The following AGRN variants were observed in gnomAD, a reference collection of about 807,000 sequenced individuals.
AGRN encodes agrin proteoglycan.
Under a neutral mutation model 211.0 loss-of-function variants are expected in AGRN, and 106 were observed. The ratio of observed to expected loss-of-function variants is 0.50; its 90% CI spans 0.43 to 0.59. AGRN has a LOEUF of 0.59. Among genes scored for constraint, AGRN ranks in the 20% least tolerant of loss-of-function variants. AGRN has a pLI of 0.00. For synonymous variants in AGRN, 1,525 were observed against 1,332.5 expected, an observed-to-expected ratio of 1.14 and a Z score of -3.15; for missense variants, 3,040 against 2,982.6, an observed-to-expected ratio of 1.02 and a Z score of -0.45.
At chr1:1,044,531 G>C in intron 12 of AGRN, 92 bp downstream of exon 12, 1 of 1,319,210 alleles carries the variant, frequency 7.6e-7, no homozygotes, top group East Asian at 2.5e-5. Context: ...GCTGCGTTGG[G>C]CCCCTGTGGA....
chr1:1,035,593 G>A (rs1267041903), intron 3 of AGRN, among the ~76,000 whole-genome samples: 1 of 152,238 alleles, frequency 6.6e-6, no homozygotes, highest in Non-Finnish European at 1.5e-5. Context: ...ACAAGTCCTG[G>A]GACCCACAGG....
chr1:1,053,176 C>T, intron 33 of AGRN: 1 of 309,182 alleles, frequency 3.2e-6, no homozygotes, highest in Non-Finnish European at 6.3e-6. Context: ...CTGTGCTCCC[C>T]TGCTGTCTGC....
Position 1,050,010 on chromosome 1 carries a change from G to T in AGRN, c.4852G>T (p.Gly1618Trp). ...EGGAQCECPL[G>W]REGTFCQTAS... The stretch of plus-strand genomic sequence containing the variant: ...TGGTGCTCAGTGCGAGTGCCCCCTG[G>T]GGCGTGAGGGCACCTTCTGCCAGAC... Residue 1618 changes from glycine to tryptophan, a missense_variant, in exon 27 of 36, where the codon GGG (glycine) becomes TGG (tryptophan). By Grantham distance (184) the Gly-to-Trp change is radical (BLOSUM62 -2). Coordinates refer to ENST00000379370, the MANE Select transcript of AGRN (RefSeq NM_198576.4). 6.2e-7 allele frequency: 1 copy of T among 1,609,096 alleles called. No homozygotes were observed. Among genetic ancestry groups the T allele is most frequent in the South Asian group, 1.1e-5 (1 of 90,588 alleles).
Position 1,048,978 on chromosome 1 carries a change from A to G in AGRN, c.4217A>G (p.Gln1406Arg). 5 of 1,576,006 alleles carry G rather than the reference A, an allele frequency of 3.2e-6. No homozygotes were observed. The highest frequency in any genetic ancestry group is 4.3e-6 in the Non-Finnish European group (5 of 1,162,920). The change falls in exon 24 of 36, where the codon CAG becomes CGG. Residue 1406 changes from glutamine to arginine, a missense_variant. Coordinates refer to ENST00000379370, the MANE Select transcript of AGRN (RefSeq NM_198576.4). The surrounding 1 kb of genome is among the most constrained non-coding windows in gnomAD (Gnocchi z 5.9). ...LALEFRALEP[Q>R]GLLLYNGNAR... ...CTGGAATTCCGGGCGCTGGAGCCTCAGGGGCTGCTGCTGTACAATGGCAAC... is the reference window on the plus strand; with the variant it reads ...CTGGAATTCCGGGCGCTGGAGCCTCGGGGGCTGCTGCTGTACAATGGCAAC...
In AGRN at chr1:1,031,153, T is replaced by C. The variant is rs1266324212; in HGVS notation, c.464-4124T>C. Among the ~76,000 whole-genome samples, 1 of 137,324 alleles carries C rather than the reference T, an allele frequency of 7.3e-6. No homozygotes were observed. Among genetic ancestry groups the C allele is most frequent in the African/African-American group, 2.8e-5 (1 of 35,422 alleles). 90.1% of individuals were successfully genotyped at this position (137,324 alleles called of 152,430 possible). A position where few individuals can be genotyped will look rare whatever the true frequency, so the allele number is the denominator to read the frequency against. ...TGTGTGTGTGCAGTGCATGGTGCTG[T>C]GTGAGATTGTGTGTGTGCAGTGCAT... On this transcript the variant is annotated intron_variant, in intron 2 of 35. Coordinates refer to ENST00000379370, the MANE Select transcript of AGRN (RefSeq NM_198576.4). The surrounding 1 kb of genome is among the most constrained non-coding windows in gnomAD (Gnocchi z 4.8).
chr1:1,046,820 G>A lies in AGRN; in HGVS notation c.3251G>A (p.Gly1084Glu), dbSNP rs1290054297. 1 of 1,581,188 alleles carries A rather than the reference G, an allele frequency of 6.3e-7. No homozygotes were observed. Among genetic ancestry groups the A allele is most frequent in the Non-Finnish European group, 8.6e-7 (1 of 1,167,840 alleles). The change falls in exon 19 of 36, where the codon GGG becomes GAG. Residue 1084 changes from glycine to glutamate, a missense_variant and splice_region_variant. Physicochemically the swap from Gly to Glu is moderately conservative, Grantham distance 98 (BLOSUM62 -2). Coordinates refer to ENST00000379370, the MANE Select transcript of AGRN (RefSeq NM_198576.4). ...DQEASGGGSG[G>E]LEPLEGSSVA... ...CTGGGCTCAGAGCGCGTCTCCCCAG[G>A]GCTCGAGCCCTTGGAGGGCAGCAGC...
rs371971521 is a variant in AGRN, at chr1:1,028,160, C to T, written c.463+5698C>T. Among the ~76,000 whole-genome samples, 5 of 152,154 alleles carry T rather than the reference C, an allele frequency of 3.3e-5. No individual in the cohort carries two copies. The East Asian group carries it at 7.7e-4, about 23-fold the overall frequency. On this transcript the variant is annotated intron_variant, in intron 2 of 35. Coordinates refer to ENST00000379370, the MANE Select transcript of AGRN (RefSeq NM_198576.4). Reference sequence around the variant, plus strand: ...AGCTGTGCATTGAGGGGTGAAAGCCCGTGCAGAGAACCGTGGGAGAAAGAG... The same window carrying T: ...AGCTGTGCATTGAGGGGTGAAAGCCTGTGCAGAGAACCGTGGGAGAAAGAG...
rs183952139 is a variant in AGRN, at chr1:1,031,603, G to A, written c.464-3674G>A. 5.4e-3 allele frequency among the ~76,000 whole-genome samples: 818 copies of A among 152,226 alleles called. 7 individuals carry two copies. The highest frequency in any genetic ancestry group is 0.019 in the African/African-American group (776 of 41,540). On this transcript the variant is annotated intron_variant, in intron 2 of 35. Coordinates refer to ENST00000379370, the MANE Select transcript of AGRN (RefSeq NM_198576.4). The surrounding 1 kb of genome is among the most constrained non-coding windows in gnomAD (Gnocchi z 4.8). ...GGGCCCTAAGCCTCATTCCAGTGTCGGCCTGGGGCAGCCAGGCCCCCCACG... is the reference window on the plus strand; with the variant it reads ...GGGCCCTAAGCCTCATTCCAGTGTCAGCCTGGGGCAGCCAGGCCCCCCACG...
chr1:1,051,895 C>A, intron 33 of AGRN, 80 bp downstream of exon 33: 1 of 1,578,552 alleles, frequency 6.3e-7, no homozygotes, highest in Non-Finnish European at 8.6e-7. Flanking sequence ...CCAGGAGGGC[C>A]CAGGAGGGGA....
Position 1,045,877 on chromosome 1 carries a change from G to C in AGRN, c.2680+1G>C. The stretch of plus-strand genomic sequence containing the variant: ...CTGGGCCCCGCGGGCTGTGAAGCTG[G>C]TGAGTGAGGGCCAGCGCTACCCTGG... On this transcript the variant is annotated splice_donor_variant, in intron 15 of 35. Coordinates refer to ENST00000379370, the MANE Select transcript of AGRN (RefSeq NM_198576.4). LOFTEE classifies it high-confidence loss of function. 2 of 1,610,646 alleles carry C rather than the reference G, an allele frequency of 1.2e-6. No homozygotes were observed. The highest frequency in any genetic ancestry group is 1.7e-6 in the Non-Finnish European group (2 of 1,179,880).
At position 1,046,095 on chromosome 1, in the gene AGRN, G is replaced by T; in HGVS notation, c.2805+7G>T. The T allele has an allele frequency of 6.2e-7, 1 of 1,614,028 alleles. No individual in the cohort carries two copies. Among genetic ancestry groups the T allele is most frequent in the South Asian group, 1.1e-5 (1 of 91,090 alleles). ...AGAGGCCAACGCTACCAAGGTGAGGGGTGTGGGATGTGAAGGGGAGTGGGG... is the reference window on the plus strand; with the variant it reads ...AGAGGCCAACGCTACCAAGGTGAGGTGTGTGGGATGTGAAGGGGAGTGGGG... On this transcript the variant is annotated splice_region_variant and intron_variant, in intron 16 of 35. Transcript: ENST00000379370.
chr1:1,042,212 G>T, intron 7 of AGRN, 50 bp downstream of exon 7: 1 of 1,543,820 alleles, frequency 6.5e-7, no homozygotes, highest in South Asian at 1.2e-5. Flanking sequence ...TCCTGCGTCA[G>T]TCCCTGCCTG....
At chr1:1,026,575 C>T (rs896189439) in intron 2 of AGRN, among the ~76,000 whole-genome samples, 1 of 152,144 alleles carries the variant, frequency 6.6e-6, no homozygotes, top group Admixed American at 6.5e-5. Flanking sequence ...TTGCTTCCAC[C>T]TGTGGGACCC....
intron 3 of AGRN, 95 bp from the exon 4 acceptor site, chr1:1,040,569 GA>G: frequency 7.0e-7 from 1 of 1,429,348 alleles, no homozygotes; most frequent in South Asian, 1.2e-5. Flanking sequence ...GGGGGCGGGT[GA>G]ATGCGCGGGC....
At chr1:1,049,543 C>G (rs1221352781) in intron 25 of AGRN, 23 bp from the exon 26 acceptor site, 2 of 1,589,780 alleles carry the variant, frequency 1.3e-6, no homozygotes, top group African/African-American at 1.3e-5. Flanking sequence ...TGAGCCCTGA[C>G]CCGGTGTCCC....
chr1:1,050,063 AG>A lies in AGRN; in HGVS notation c.4879+41del, dbSNP rs71576592. ...GTCGGGGGCGTGGGGCTCTCGGGGCAGGGGGGGGGGGGGGGTTGAACGTTTG... is the reference window on the plus strand; with the variant it reads ...GTCGGGGGCGTGGGGCTCTCGGGGCAGGGGGGGGGGGGGGTTGAACGTTTG... On this transcript the variant is annotated intron_variant, in intron 27 of 35. Coordinates refer to ENST00000379370, the MANE Select transcript of AGRN (RefSeq NM_198576.4). 525,215 of 1,013,424 alleles carry A rather than the reference AG, an allele frequency of 0.52. 108,647 individuals carry two copies. The highest frequency in any genetic ancestry group is 0.73 in the African/African-American group (42,616 of 58,582). 62.8% of individuals were successfully genotyped at this position (1,013,424 alleles called of 1,614,324 possible).
In AGRN at chr1:1,048,253, G is replaced by A; in HGVS notation, c.3993G>A (p.Lys1331=). Residue 1331 remains lysine, a synonymous_variant, in exon 23 of 36, where the codon AAG becomes AAA. Coordinates refer to ENST00000379370, the MANE Select transcript of AGRN (RefSeq NM_198576.4). This position sits in a 1 kb window ranked among gnomAD's most constrained non-coding sequence, Gnocchi z 5.9. ...RRPPAPQQPP[K]PCDSQPCFHG... ...CCCCGGCCCCCCAGCAGCCTCCAAA[G>A]CCCTGTGACTCACAGCCCTGCTTCC... The A allele has an allele frequency of 6.5e-7, 1 of 1,541,232 alleles. No individual in the cohort carries two copies. Among genetic ancestry groups the A allele is most frequent in the African/African-American group, 1.4e-5 (1 of 73,432 alleles).
chr1:1,053,653 C>G (rs1468390288), intron 33 of AGRN, 100 bp from the exon 34 acceptor site: 54 of 1,492,440 alleles, frequency 3.6e-5, no homozygotes, highest in Non-Finnish European at 4.7e-5. Flanking sequence ...CCCGTCACAG[C>G]CCTTGTGGCC....
rs1328616621 is a variant in AGRN, at chr1:1,040,774, G to C, written c.621G>C (p.Ala207=). ...CKKSPCPSVV[A]PVCGSDASTY... The stretch of plus-strand genomic sequence containing the variant: ...AGAGCCCGTGCCCCAGCGTGGTGGC[G>C]CCTGTGTGTGGGTCGGACGCCTCCA... Residue 207 remains alanine (A), a synonymous_variant, in exon 4 of 36, where the codon GCG becomes GCC. Transcript: ENST00000379370. 1 of 1,540,852 alleles carries C rather than the reference G, an allele frequency of 6.5e-7. No individual in the cohort carries two copies. The highest frequency in any genetic ancestry group is 1.2e-5 in the South Asian group (1 of 84,118).
Sources: allele counts gnomAD v4.1 joint callset (sites outside exome capture counted in the v4.1 genomes callset), GRCh38; gene constraint gnomAD v4.1.1; non-coding constraint Gnocchi (gnomAD v3.1); transcripts MANE v1.5; gene names NCBI Gene and HGNC (gene_info 2026-07-23, HGNC 2026-07-21).